The following NOP2 variants were observed in gnomAD, a reference collection of about 807,000 sequenced individuals.
The protein encoded by NOP2 is NOP2 nucleolar protein, also known as 28S rRNA (cytosine(4447)-C(5))-methyltransferase.
Under a neutral mutation model 72.7 loss-of-function variants are expected in NOP2, and 7 were observed. The ratio of observed to expected loss-of-function variants is 0.10; its 90% CI spans 0.05 to 0.18. The LOEUF is 0.18. Ranked by LOEUF, NOP2 falls within the 10% of genes least tolerant of loss-of-function variation. The pLI is 1.00. For synonymous variants in NOP2, 387 were observed against 388.0 expected (o/e 1.00, Z 0.03); for missense variants, 954 against 1,014.7 (o/e 0.94, Z 0.81).
rs368032546 is a variant in NOP2, at chr12:6,563,705, G to A, written c.597C>T (p.Gly199=). Residue 199 remains glycine (G), a synonymous_variant, in exon 7 of 16, where the codon GGC becomes GGT. Coordinates refer to ENST00000322166, the MANE Select transcript of NOP2 (RefSeq NM_001258308.2). ...CATCTGCCTCTTCCACCTTTGGGGGGCCTGACTCAGGGGTCACTTCTTTCT... is the reference window on the plus strand; with the variant it reads ...CATCTGCCTCTTCCACCTTTGGGGGACCTGACTCAGGGGTCACTTCTTTCT... ...EEEKEVTPES[G]PPKVEEADGG... 2 of 1,613,576 alleles carry A rather than the reference G, an allele frequency of 1.2e-6. No individual in the cohort carries two copies. Among genetic ancestry groups the A allele is most frequent in the Non-Finnish European group, 1.7e-6 (2 of 1,179,706 alleles).
intron 15 of NOP2, chr12:6,557,899 T>C (rs926972357): frequency 6.5e-6 from 3 of 458,626 alleles, no homozygotes; most frequent in Non-Finnish European, 1.2e-5. Context: ...TTCCAGCACT[T>C]TGGGAGGCCA....
At chr12:6,558,610 CTTT>C (rs869220261) in intron 15 of NOP2, among the ~76,000 whole-genome samples, 16 of 133,890 alleles carry the variant, frequency 1.2e-4, no homozygotes, top group Admixed American at 2.3e-4. Flanking sequence ...CTTTATTTAT[CTTT>C]TTTTTTTTTT....
chr12:6,558,713 G>A (rs1947570602), intron 15 of NOP2, among the ~76,000 whole-genome samples: 1 of 151,096 alleles, frequency 6.6e-6, no homozygotes, highest in South Asian at 2.1e-4. Context: ...GGGGCTCAAG[G>A]GATCCTCCTA....
intron 9 of NOP2, among the ~76,000 whole-genome samples, chr12:6,562,880 G>C: frequency 6.6e-6 from 1 of 152,192 alleles, no homozygotes; most frequent in East Asian, 1.9e-4. Context: ...ACAGGGAGCA[G>C]AGTATGAACT....
rs761040383 is a variant in NOP2 at position 6,557,642 on chromosome 12, C to T, written c.1790G>A (p.Gly597Glu). 16 of 1,605,908 alleles carry T rather than the reference C, an allele frequency of 1.0e-5. No homozygotes were observed. Among genetic ancestry groups the T allele is most frequent in the Non-Finnish European group, 1.3e-5 (15 of 1,176,468 alleles). The part of the protein sequence containing the change: ...FSNSIPQSQT[G>E]NSETATPTNV... ...TGTAGGTGTGGCTGTTTCAGAATTT[C>T]CTGGGGTTAAAATTAAACAGATGGT... is the stretch of plus-strand genomic sequence containing the variant. The change falls in exon 16 of 16, where the codon GGA becomes GAA. Residue 597 changes from glycine (G) to glutamate (E), a missense_variant and splice_region_variant. Physicochemically the swap from Gly to Glu is moderately conservative, Grantham distance 98 (BLOSUM62 -2). Around this residue, in one of 3 missense-constraint regions of NOP2, gnomAD observed 269 missense variants for 260.2 expected, o/e 1.03. Transcript: ENST00000322166.
intron 5 of NOP2, chr12:6,564,296 T>C (rs1947725306): frequency 4.2e-6 from 1 of 237,434 alleles, no homozygotes; most frequent in Non-Finnish European, 8.4e-6. Flanking sequence ...AAAAAAAACC[T>C]AAGTAATAAA....
At position 6,561,966 on chromosome 12, in the gene NOP2, T is replaced by G; in HGVS notation, c.984A>C (p.Leu328=). 6.2e-7 allele frequency: 1 copy of G among 1,607,204 alleles called. No individual in the cohort carries two copies. Among genetic ancestry groups the G allele is most frequent in the Non-Finnish European group, 8.5e-7 (1 of 1,176,244 alleles). Residue 328 remains leucine, a synonymous_variant, in exon 10 of 16, where the codon CTA becomes CTC. Transcript: ENST00000322166. ...GATCCAGGTTAACCCCACGATTGAT[T>G]AGAGCCTGAAAAGGGATGAAGATTT... ...KTRRRDLAQA[L]INRGVNLDPL...
In NOP2 at chr12:6,561,947, G is replaced by C. The variant is rs769138340; in HGVS notation, c.1003C>G (p.Leu335Val). The C allele has an allele frequency of 1.2e-5, 19 of 1,611,310 alleles. No individual in the cohort carries two copies. In the African/African-American group the frequency reaches 1.9e-4, roughly 16 times the overall value. The change falls in exon 10 of 16, where the codon CTG becomes GTG. Residue 335 changes from leucine to valine, a missense_variant. By Grantham distance (32) the Leu-to-Val change is conservative. Around this residue, in one of 3 missense-constraint regions of NOP2, gnomAD observed 498 missense variants for 478.3 expected, o/e 1.04. Coordinates refer to ENST00000322166, the MANE Select transcript of NOP2 (RefSeq NM_001258308.2). ...AQALINRGVN[L>V]DPLGKWSKTG... ...TTTGACCACTTGCCCAGGGGATCCA[G>C]GTTAACCCCACGATTGATTAGAGCC...
Position 6,561,950 on chromosome 12 carries a change from T to G in NOP2, c.1000A>C (p.Asn334His). 2 of 1,610,594 alleles carry G rather than the reference T, an allele frequency of 1.2e-6. No homozygotes were observed. The highest frequency in any genetic ancestry group is 1.7e-6 in the Non-Finnish European group (2 of 1,178,242). Residue 334 changes from asparagine to histidine, a missense_variant, in exon 10 of 16, where the codon AAC becomes CAC. Transcript: ENST00000322166. Reference sequence around the variant, plus strand: ...GACCACTTGCCCAGGGGATCCAGGTTAACCCCACGATTGATTAGAGCCTGA... The same window carrying G: ...GACCACTTGCCCAGGGGATCCAGGTGAACCCCACGATTGATTAGAGCCTGA... ...LAQALINRGV[N>H]LDPLGKWSKT...
rs773396555 is a variant in NOP2 at position 6,567,867 on chromosome 12, C to T, written c.52G>A (p.Ala18Thr). ...TKEKRGPGRK[A>T]RKQKGAETEL... ...GTCTCGGCACCCTTCTGCTTCCGGGCCTTTCGGCCTGGCCCCCGCTTCTCC... is the reference window on the plus strand; with the variant it reads ...GTCTCGGCACCCTTCTGCTTCCGGGTCTTTCGGCCTGGCCCCCGCTTCTCC... The change falls in exon 2 of 16, where the codon GCC becomes ACC. Residue 18 changes from alanine (A) to threonine (T), a missense_variant. Physicochemically the swap from Ala to Thr is moderately conservative, Grantham distance 58. This residue lies in a region of NOP2 where 498 missense variants were observed against 478.3 expected (regional missense o/e 1.04). Coordinates refer to ENST00000322166, the MANE Select transcript of NOP2 (RefSeq NM_001258308.2). The T allele has an allele frequency of 8.1e-6, 13 of 1,613,962 alleles. No homozygotes were observed. Among genetic ancestry groups the T allele is most frequent in the Admixed American group, 3.3e-5 (2 of 60,006 alleles).
At chr12:6,558,733 C>T (rs1473520934) in intron 15 of NOP2, among the ~76,000 whole-genome samples, 1 of 151,668 alleles carries the variant, frequency 6.6e-6, no homozygotes. Flanking sequence ...ACCTCAGCCT[C>T]CAGAGTAGCT....
intron 15 of NOP2, among the ~76,000 whole-genome samples, chr12:6,558,556 C>T (rs565115143): frequency 3.9e-5 from 6 of 152,028 alleles, no homozygotes; most frequent in South Asian, 2.1e-4. Flanking sequence ...CGAGCCACCA[C>T]GCCCGGCCTC....
At chr12:6,566,974 GTTTC>G (rs1266688309) in intron 2 of NOP2, among the ~76,000 whole-genome samples, 152 bp from the exon 3 acceptor site, 1 of 148,936 alleles carries the variant, frequency 6.7e-6, no homozygotes, top group Non-Finnish European at 1.5e-5. Context: ...CTGTATACAA[GTTTC>G]TTTTTTTTTT....
In NOP2 at chr12:6,557,075, GAC is replaced by G. The variant is rs1385048504; in HGVS notation, c.2355_2356del (p.Pro787HisfsTer29). 4 of 1,613,876 alleles carry G rather than the reference GAC, an allele frequency of 2.5e-6. No homozygotes were observed. The African/African-American group carries it at 4.0e-5, about 16-fold the overall frequency. On this transcript the variant is annotated frameshift_variant, in exon 16 of 16. Coordinates refer to ENST00000322166, the MANE Select transcript of NOP2 (RefSeq NM_001258308.2). LOFTEE classifies it low-confidence loss of function (END_TRUNC). ...TGGGGGGCGGCTGGAACGGATGGGA[GAC>G]ACAGTGGGAGGCTGAGGCCCCTTGG... is the stretch of plus-strand genomic sequence containing the variant.
In NOP2 at chr12:6,566,829, A is replaced by C; in HGVS notation, c.104-7T>G. 2 of 1,608,788 alleles carry C rather than the reference A, an allele frequency of 1.2e-6. No individual in the cohort carries two copies. The highest frequency in any genetic ancestry group is 1.7e-6 in the Non-Finnish European group (2 of 1,177,198). ...TTGGAATTTTCGTCACTTACTGTTT[A>C]AAAAAGAAAAACGAGGCAGAACAAG... On this transcript the variant is annotated splice_polypyrimidine_tract_variant and splice_region_variant and intron_variant, in intron 2 of 15. Transcript: ENST00000322166.
chr12:6,561,744 G>A lies in NOP2; in HGVS notation c.1127C>T (p.Pro376Leu), dbSNP rs1376198150. 6.2e-7 allele frequency: 1 copy of A among 1,612,702 alleles called. No individual in the cohort carries two copies. The highest frequency in any genetic ancestry group is 8.5e-7 in the Non-Finnish European group (1 of 1,179,346). The change falls in exon 11 of 16, where the codon CCC (proline) becomes CTC (leucine). Residue 376 changes from proline (P) to leucine (L), a missense_variant. Pro to Leu is a moderately conservative substitution (Grantham distance 98). Coordinates refer to ENST00000322166, the MANE Select transcript of NOP2 (RefSeq NM_001258308.2). ...YMLQGASSML[P>L]VMALAPQEHE... ...TTCCTGGGGTGCCAAGGCCATGACG[G>A]GCAACATGCTGGAGGCTCCCTGCAG...
chr12:6,560,169 G>C lies in NOP2; in HGVS notation c.1718C>G (p.Thr573Ser). 1 of 1,614,062 alleles carries C rather than the reference G, an allele frequency of 6.2e-7. No individual in the cohort carries two copies. The change falls in exon 15 of 16, where the codon ACC becomes AGC. Residue 573 changes from threonine (T) to serine (S), a missense_variant. This residue lies in a region of NOP2 where 187 missense variants were observed against 276.2 expected (regional missense o/e 0.68). Transcript: ENST00000322166. This position sits in a 1 kb window ranked among gnomAD's most constrained non-coding sequence, Gnocchi z 5.0. ...LRSTRRFYPH[T>S]HNMDGFFIAK... ...AATGAAGAACCCATCCATATTGTGG[G>C]TATGAGGGTAGAAGCGTCGGGTAGA...
intron 3 of NOP2, 27 bp downstream of exon 3, chr12:6,566,750 T>G: frequency 6.2e-7 from 1 of 1,610,834 alleles, no homozygotes; most frequent in Non-Finnish European, 8.5e-7. Flanking sequence ...CAATTTAACC[T>G]ACTTAAGTTT....
In NOP2 at chr12:6,566,122, C is replaced by G; in HGVS notation, c.453G>C (p.Glu151Asp). 1 of 1,613,686 alleles carries G rather than the reference C, an allele frequency of 6.2e-7. No individual in the cohort carries two copies. The highest frequency in any genetic ancestry group is 1.7e-5 in the Admixed American group (1 of 59,970). Residue 151 changes from glutamate (E) to aspartate (D), a missense_variant, in exon 5 of 16, where the codon GAG (glutamate) becomes GAC (aspartate). Around this residue, in one of 3 missense-constraint regions of NOP2, gnomAD observed 498 missense variants for 478.3 expected, o/e 1.04. Coordinates refer to ENST00000322166, the MANE Select transcript of NOP2 (RefSeq NM_001258308.2). ...TCACCGCTTCACCTTCCTCCTCATCCTCAGAGTTGGAGTCAGCTCCATAGT... is the reference window on the plus strand; with the variant it reads ...TCACCGCTTCACCTTCCTCCTCATCGTCAGAGTTGGAGTCAGCTCCATAGT... ...VDDYGADSNS[E>D]DEEEGEALLP...
Sources: allele counts gnomAD v4.1 joint callset (sites outside exome capture counted in the v4.1 genomes callset), GRCh38; gene constraint gnomAD v4.1.1; regional missense constraint gnomAD v4.1.1; non-coding constraint Gnocchi (gnomAD v3.1); transcripts MANE v1.5; gene names NCBI Gene and HGNC (gene_info 2026-07-23, HGNC 2026-07-21).